Variants in ATF7IP2 observed in about 807,000 individuals in gnomAD.
ATF7IP2 encodes the protein activating transcription factor 7-interacting protein 2.
Under a neutral mutation model 64.2 loss-of-function variants are expected in ATF7IP2, and 42 were observed. The observed-to-expected ratio is 0.65, with a 90% confidence interval of 0.51 to 0.85. ATF7IP2 has a LOEUF of 0.85. Among genes scored for constraint, ATF7IP2 ranks in the 40% least tolerant of loss-of-function variants. The pLI, the probability that ATF7IP2 is intolerant of heterozygous loss-of-function variation, is 0.00. For synonymous variants in ATF7IP2, 308 were observed against 272.8 expected (o/e 1.13, Z -1.27); for missense variants, 933 against 784.2 (o/e 1.19, Z -2.27).
chr16:10,479,581 G>A (rs966495558), intron 12 of ATF7IP2, among the ~76,000 whole-genome samples: 2 of 151,584 alleles, frequency 1.3e-5, no homozygotes, highest in African/African-American at 2.4e-5. Flanking sequence ...CAGCACACCA[G>A]CATGGCACAT....
chr16:10,464,903 C>A (rs1486427697), intron 9 of ATF7IP2, among the ~76,000 whole-genome samples: 1 of 152,216 alleles, frequency 6.6e-6, no homozygotes, highest in African/African-American at 2.4e-5. Context: ...GATCTCAGCT[C>A]ACTGCAACCT....
intron 7 of ATF7IP2, among the ~76,000 whole-genome samples, chr16:10,438,782 C>T (rs745695745): frequency 1.3e-5 from 2 of 152,120 alleles, no homozygotes; most frequent in Admixed American, 6.5e-5. Flanking sequence ...CGGCCAGGCG[C>T]GATGGCTCAT....
intron 9 of ATF7IP2, among the ~76,000 whole-genome samples, chr16:10,460,277 C>G (rs978332994): frequency 6.6e-6 from 1 of 151,994 alleles, no homozygotes; most frequent in African/African-American, 2.4e-5. Flanking sequence ...AAAGAAAAAT[C>G]AATTAAAAAG....
chr16:10,475,168 A>G (rs574577986), intron 12 of ATF7IP2, among the ~76,000 whole-genome samples: 1 of 152,350 alleles, frequency 6.6e-6, no homozygotes, highest in African/African-American at 2.4e-5. Flanking sequence ...GAATAAAACT[A>G]TATTGTAGAA....
At chr16:10,416,028 G>A (rs2047867763) in intron 2 of ATF7IP2, among the ~76,000 whole-genome samples, 1 of 152,194 alleles carries the variant, frequency 6.6e-6, no homozygotes, top group Non-Finnish European at 1.5e-5. Context: ...AACCAGTATG[G>A]AGACCAGTTT....
chr16:10,445,439 A>T (rs1374747870), intron 8 of ATF7IP2: 2 of 152,212 alleles, frequency 1.3e-5, no homozygotes, highest in African/African-American at 4.8e-5. Flanking sequence ...GACTTTCAAA[A>T]GAAAGGCTTT....
At chr16:10,441,494 A>G (rs1436838407) in intron 8 of ATF7IP2, among the ~76,000 whole-genome samples, 3 of 152,222 alleles carry the variant, frequency 2.0e-5, no homozygotes, top group Non-Finnish European at 4.4e-5. Context: ...TTGCATTTCT[A>G]TAATGACCAG....
chr16:10,389,524 A>C (rs941822644), intron 1 of ATF7IP2, among the ~76,000 whole-genome samples: 3 of 152,184 alleles, frequency 2.0e-5, no homozygotes, highest in Admixed American at 1.3e-4. Flanking sequence ...CCTACCATCC[A>C]ATTAAAATGT....
Position 10,391,156 on chromosome 16 carries a change from C to CA in ATF7IP2, c.-242+5049dup, listed in dbSNP as rs60844905. 1.9e-3 allele frequency among the ~76,000 whole-genome samples: 274 copies of CA among 140,862 alleles called. 2 individuals are homozygous for CA. The highest frequency in any genetic ancestry group is 7.3e-3 in the East Asian group (35 of 4,800). The allele number at this position is 140,862 out of a possible 152,430, so 92.4% of individuals were successfully genotyped here. On this transcript the variant is annotated intron_variant, in intron 1 of 13. Coordinates refer to ENST00000562102, the MANE Select transcript of ATF7IP2 (RefSeq NM_001393719.1). ...TGGGCCACAGAGAGAGACCCTGTCT[C>CA]AAAAAAAAAAAAAAATGTGCTGGGC...
chr16:10,418,424 C>T (rs1163092371), intron 2 of ATF7IP2, among the ~76,000 whole-genome samples: 2 of 152,156 alleles, frequency 1.3e-5, no homozygotes, highest in Non-Finnish European at 2.9e-5. Flanking sequence ...AACATGTCCC[C>T]CTTTTTTGTT....
intron 12 of ATF7IP2, among the ~76,000 whole-genome samples, chr16:10,474,870 G>C (rs1596628678): frequency 6.6e-6 from 1 of 152,268 alleles, no homozygotes; most frequent in South Asian, 2.1e-4. Context: ...TTAAAAGGTT[G>C]GGGGAAAATA....
At chr16:10,452,171 AGTT>A (rs2049006521) in intron 8 of ATF7IP2, among the ~76,000 whole-genome samples, 1 of 152,164 alleles carries the variant, frequency 6.6e-6, no homozygotes, top group South Asian at 2.1e-4. Flanking sequence ...GCTGGCAAGT[AGTT>A]GTGATCCTTT....
At chr16:10,461,963 C>G (rs746852028) in intron 9 of ATF7IP2, among the ~76,000 whole-genome samples, 2 of 151,934 alleles carry the variant, frequency 1.3e-5, no homozygotes, top group Admixed American at 6.6e-5. Context: ...TCTGTTTGCC[C>G]TGTTTTATGG....
chr16:10,446,869 TG>T (rs1230520355), intron 8 of ATF7IP2: 1 of 152,182 alleles, frequency 6.6e-6, no homozygotes. Context: ...TGGAAGTTTG[TG>T]TGAGGCTCAA....
intron 1 of ATF7IP2, among the ~76,000 whole-genome samples, chr16:10,392,351 T>C (rs2047344044): frequency 1.3e-5 from 2 of 151,654 alleles, no homozygotes; most frequent in African/African-American, 4.8e-5. Context: ...TTTTTTTTTT[T>C]TTTAAACTGG....
At chr16:10,391,622 G>GT (rs2141735098) in intron 1 of ATF7IP2, among the ~76,000 whole-genome samples, 1 of 152,270 alleles carries the variant, frequency 6.6e-6, no homozygotes, top group South Asian at 2.1e-4. Flanking sequence ...ATGAGGCCGG[G>GT]TGCAGTGGCT....
rs80176269 is a variant in ATF7IP2 at position 10,388,306 on chromosome 16, G to C, written c.-242+2184G>C. 8.6e-3 allele frequency among the ~76,000 whole-genome samples: 1,311 copies of C among 152,282 alleles called. 17 individuals are homozygous for C. The highest frequency in any genetic ancestry group is 0.029 in the African/African-American group (1,203 of 41,558). On this transcript the variant is annotated intron_variant, in intron 1 of 13. Transcript: ENST00000562102. ...AGATTGGAGTCAGCCAGTGTCTAGA[G>C]AGAAATAACCATGACTTTTTGGAGG...
chr16:10,416,444 G>A (rs2047879717), intron 2 of ATF7IP2, among the ~76,000 whole-genome samples: 1 of 152,090 alleles, frequency 6.6e-6, no homozygotes, highest in Non-Finnish European at 1.5e-5. Context: ...ACCATAGGCT[G>A]GGAAAGGTAT....
At chr16:10,476,185 A>T (rs2050001757) in intron 12 of ATF7IP2, among the ~76,000 whole-genome samples, 1 of 152,240 alleles carries the variant, frequency 6.6e-6, no homozygotes, top group South Asian at 2.1e-4. Flanking sequence ...AAAATAGCTG[A>T]ACAGACTCTC....
Sources: gnomAD v4.1 joint callset for allele counts (sites outside exome capture counted in the v4.1 genomes callset) on GRCh38, gnomAD v4.1.1 for gene constraint, MANE v1.5 for transcripts, NCBI Gene and HGNC (gene_info 2026-07-23, HGNC 2026-07-21) for gene names.